Variants in RORB observed in about 807,000 individuals in gnomAD.
RORB encodes the protein nuclear receptor ROR-beta.
In RORB, 6 loss-of-function variants were observed where a neutral mutation model predicts 59.1. The observed-to-expected ratio is 0.10, with a 90% CI of 0.06 to 0.20. The LOEUF (loss-of-function observed/expected upper bound fraction) is 0.20, where lower values mean the gene tolerates loss of function less well. RORB is among the 10% of genes least tolerant of loss of function. The pLI is 1.00. For missense variants in RORB, 320 were observed against 560.5 expected, an observed-to-expected ratio of 0.57 and a Z score of 4.33; for synonymous variants, 215 against 204.5, an observed-to-expected ratio of 1.05 and a Z score of -0.44.
At chr9:74,599,701 G>T (rs546225384) in intron 1 of RORB, among the ~76,000 whole-genome samples, 1 of 152,156 alleles carries the variant, frequency 6.6e-6, no homozygotes, top group Non-Finnish European at 1.5e-5. Context: ...TGAGGAGTAA[G>T]GTTCAATGAC....
At chr9:74,558,173 T>C (rs955944973) in intron 1 of RORB, among the ~76,000 whole-genome samples, 1 of 152,170 alleles carries the variant, frequency 6.6e-6, no homozygotes, top group Non-Finnish European at 1.5e-5. Context: ...TGATTAATGT[T>C]ATATTCCATT....
chr9:74,512,211 T>G (rs1189901689), intron 1 of RORB, among the ~76,000 whole-genome samples: 1 of 152,154 alleles, frequency 6.6e-6, no homozygotes, highest in East Asian at 1.9e-4. Context: ...TAAACTAGCT[T>G]GTGTCTATCC....
chr9:74,565,776 T>C (rs941211773), intron 1 of RORB, among the ~76,000 whole-genome samples: 1 of 152,210 alleles, frequency 6.6e-6, no homozygotes, highest in African/African-American at 2.4e-5. Flanking sequence ...TATATGTGAT[T>C]ATCCTACAGA....
chr9:74,660,459 A>G (rs1824164219), intron 4 of RORB, among the ~76,000 whole-genome samples, 158 bp from the exon 5 acceptor site: 1 of 152,212 alleles, frequency 6.6e-6, no homozygotes, highest in Non-Finnish European at 1.5e-5. Flanking sequence ...AAATGCAATA[A>G]AGAGTTTGTC....
chr9:74,501,689 C>G (rs1027313154), intron 1 of RORB, among the ~76,000 whole-genome samples: 1 of 152,196 alleles, frequency 6.6e-6, no homozygotes, highest in Non-Finnish European at 1.5e-5. Context: ...TCTAGCGACT[C>G]TCTCCTCCTT....
intron 1 of RORB, among the ~76,000 whole-genome samples, chr9:74,580,268 G>T (rs1822702323): frequency 6.6e-6 from 1 of 152,122 alleles, no homozygotes; most frequent in Non-Finnish European, 1.5e-5. Context: ...TCATCAGCCA[G>T]TGTAAAATAA....
chr9:74,664,684 T>A (rs1824239847), intron 6 of RORB, among the ~76,000 whole-genome samples: 1 of 152,024 alleles, frequency 6.6e-6, no homozygotes, highest in Non-Finnish European at 1.5e-5. Flanking sequence ...CAGAGAGAAA[T>A]CAGCAAACAT....
intron 2 of RORB, among the ~76,000 whole-genome samples, chr9:74,634,036 T>G (rs557749156): frequency 6.7e-6 from 1 of 150,062 alleles, no homozygotes; most frequent in Non-Finnish European, 1.5e-5. Flanking sequence ...AAATAGCCAC[T>G]GAACTCTAGC....
intron 1 of RORB, among the ~76,000 whole-genome samples, chr9:74,539,744 A>G (rs964227066): frequency 6.6e-6 from 1 of 152,034 alleles, no homozygotes; most frequent in Admixed American, 6.6e-5. Context: ...GGCCAGTGAG[A>G]TGGGGCCAGC....
intron 1 of RORB, among the ~76,000 whole-genome samples, chr9:74,599,156 G>A (rs993906301): frequency 6.6e-6 from 1 of 152,122 alleles, no homozygotes; most frequent in Non-Finnish European, 1.5e-5. Context: ...CCATAGCAAA[G>A]AGGCTTTGTA....
rs1269798543 is a variant in RORB, at chr9:74,667,699, C to T, written c.1001-92C>T. ...TTTTCTAGAAGTCTAGTATGCACCT[C>T]CTTGGATAGCTTATTGATTATGAGA... On this transcript the variant is annotated intron_variant, in intron 7 of 9. Transcript: ENST00000376896. 2.0e-5 allele frequency: 16 copies of T among 793,352 alleles called. No individual in the cohort carries two copies. In the Admixed American group the frequency reaches 2.5e-4, roughly 12 times the overall value. 49.1% of individuals were successfully genotyped at this position (793,352 alleles called of 1,614,324 possible).
chr9:74,573,714 C>T (rs1456820433), intron 1 of RORB, among the ~76,000 whole-genome samples: 1 of 152,094 alleles, frequency 6.6e-6, no homozygotes, highest in Non-Finnish European at 1.5e-5. Context: ...GCCAGATTGT[C>T]TCCATAGATT....
intron 1 of RORB, among the ~76,000 whole-genome samples, chr9:74,513,835 T>C (rs1825974266): frequency 6.6e-6 from 1 of 152,158 alleles, no homozygotes; most frequent in African/African-American, 2.4e-5. Flanking sequence ...TATTTTAATA[T>C]ATAAAATCTA....
At chr9:74,651,172 A>T (rs1341832707) in intron 4 of RORB, among the ~76,000 whole-genome samples, 1 of 152,154 alleles carries the variant, frequency 6.6e-6, no homozygotes, top group Non-Finnish European at 1.5e-5. Flanking sequence ...AGTGTTTGTA[A>T]GCCTGTAAAC....
intron 9 of RORB, among the ~76,000 whole-genome samples, chr9:74,681,472 T>C (rs1293274675): frequency 6.6e-6 from 1 of 152,218 alleles, no homozygotes. Context: ...GCATGGACGC[T>C]GGGAGAGCTC....
intron 1 of RORB, among the ~76,000 whole-genome samples, chr9:74,560,228 G>T (rs1822375379): frequency 6.6e-6 from 1 of 152,136 alleles, no homozygotes. Flanking sequence ...ATACAGCTTA[G>T]TCTACAGAGT....
chr9:74,613,364 G>A (rs752102858), intron 1 of RORB, among the ~76,000 whole-genome samples: 1 of 152,164 alleles, frequency 6.6e-6, no homozygotes, highest in Non-Finnish European at 1.5e-5. Context: ...TTTACCAAAT[G>A]TATCTAATCA....
At chr9:74,546,673 C>T (rs1826500779) in intron 1 of RORB, among the ~76,000 whole-genome samples, 1 of 152,090 alleles carries the variant, frequency 6.6e-6, no homozygotes, top group Non-Finnish European at 1.5e-5. Flanking sequence ...GGTCTAGACA[C>T]CGTTGTGCAT....
At position 74,560,747 on chromosome 9, in the gene RORB, G is replaced by T. The variant is rs571305190; in HGVS notation, c.7+62764G>T. ...CTATTTCAGTATTGATAAATGGTAC[G>T]TGATTATCACAGTTTATTTGTAGTT... On this transcript the variant is annotated intron_variant, in intron 1 of 9. Transcript: ENST00000376896. Among the ~76,000 whole-genome samples, 4 of 151,848 alleles carry T rather than the reference G, an allele frequency of 2.6e-5. No individual in the cohort carries two copies. The East Asian group carries it at 5.8e-4, about 22-fold the overall frequency.
Sources: gnomAD v4.1 joint callset for allele counts (sites outside exome capture counted in the v4.1 genomes callset) on GRCh38, gnomAD v4.1.1 for gene constraint, MANE v1.5 for transcripts, NCBI Gene and HGNC (gene_info 2026-07-23, HGNC 2026-07-21) for gene names.